Variants in SF3B3 observed in about 807,000 individuals in gnomAD.
The protein encoded by SF3B3 is splicing factor 3b subunit 3.
In SF3B3, 33 loss-of-function variants were observed where a neutral mutation model predicts 139.2. The observed-to-expected ratio is 0.24, with a 90% CI of 0.18 to 0.32. SF3B3 has a LOEUF of 0.32. Ranked by LOEUF, SF3B3 falls within the 10% of genes least tolerant of loss-of-function variation. The pLI is 1.00. For synonymous variants in SF3B3, 596 were observed against 563.6 expected (o/e 1.06, Z -0.81); for missense variants, 818 against 1,509.4 (o/e 0.54, Z 7.59).
At chr16:70,563,440 C>T (rs569821516) in intron 17 of SF3B3, among the ~76,000 whole-genome samples, 1 of 152,296 alleles carries the variant, frequency 6.6e-6, no homozygotes, top group South Asian at 2.1e-4. Context: ...TTTGCTGTCT[C>T]TTGCATTGTC....
At chr16:70,529,542 T>C (rs1267360809) in intron 3 of SF3B3, 1 of 252,450 alleles carries the variant, frequency 4.0e-6, no homozygotes, top group Non-Finnish European at 7.7e-6. Flanking sequence ...TCATGTCTCT[T>C]CTCTGATAAA....
chr16:70,554,725 T>A, intron 12 of SF3B3, 128 bp downstream of exon 12: 1 of 928,476 alleles, frequency 1.1e-6, no homozygotes, highest in Non-Finnish European at 1.6e-6. Context: ...AGGGAACATA[T>A]GATTTGGGCA....
In SF3B3 at chr16:70,525,850, ACTCGGGAGCCTGAGG is replaced by A. The variant is rs1362627642; in HGVS notation, c.-70-735_-70-721del. Among the ~76,000 whole-genome samples the A allele has an allele frequency of 1.3e-5, 2 of 150,500 alleles. 1 individual carries two copies. The highest frequency in any genetic ancestry group is 2.9e-5 in the Non-Finnish European group (2 of 67,850). On this transcript the variant is annotated intron_variant, in intron 1 of 25. Transcript: ENST00000302516. ...GTGGCGGGCGCCTGTTGTCCCAGCT[ACTCGGGAGCCTGAGG>A]CAGGAGAATGGTGTGAACCCAGGAG...
intron 1 of SF3B3, 175 bp downstream of exon 1, chr16:70,524,103 C>T (rs2050022079): frequency 7.8e-6 from 3 of 386,726 alleles, no homozygotes; most frequent in Non-Finnish European, 1.4e-5. Context: ...GCAGTTATCT[C>T]TCGCTTCCAT....
At chr16:70,545,890 T>C (rs1385684502) in intron 10 of SF3B3, among the ~76,000 whole-genome samples, 1 of 152,206 alleles carries the variant, frequency 6.6e-6, no homozygotes, top group African/African-American at 2.4e-5. Flanking sequence ...AATTTGAAAA[T>C]GTTTTGTCTC....
chr16:70,561,622 C>T lies in SF3B3; in HGVS notation c.2134-8C>T, dbSNP rs922443706. 2.0e-5 allele frequency: 32 copies of T among 1,576,838 alleles called. No homozygotes were observed. Among genetic ancestry groups the T allele is most frequent in the Admixed American group, 1.9e-4 (10 of 53,088 alleles). On this transcript the variant is annotated splice_region_variant and splice_polypyrimidine_tract_variant and intron_variant, in intron 16 of 25. Transcript: ENST00000302516. ...CTTATTGGAGCTGGGTTTTTTTTTT[C>T]CCCTCAGGTATTGGCCATGTCAAGC...
At chr16:70,538,631 A>C (rs1162381403) in intron 7 of SF3B3, among the ~76,000 whole-genome samples, 171 bp downstream of exon 7, 1 of 152,250 alleles carries the variant, frequency 6.6e-6, no homozygotes, top group African/African-American at 2.4e-5. Flanking sequence ...TAGTAATCTT[A>C]CATACAATAT....
At chr16:70,539,641 C>T (rs1476960436) in intron 8 of SF3B3, among the ~76,000 whole-genome samples, 19 of 152,064 alleles carry the variant, frequency 1.2e-4, no homozygotes, top group Non-Finnish European at 1.5e-5. Context: ...GAAGTTTGTT[C>T]TATCCTTGTA....
rs765390343 is a variant in SF3B3, at chr16:70,565,447, C to G, written c.2749C>G (p.Pro917Ala). ...VGVAKDLILN[P>A]RSVAGGFVYT... ...TGTGGCCAAGGACCTGATACTAAAC[C>G]CCCGATCTGTGGCAGGGGGCTTCGT... The change falls in exon 20 of 26, where the codon CCC becomes GCC. Residue 917 changes from proline to alanine, a missense_variant. Coordinates refer to ENST00000302516, the MANE Select transcript of SF3B3 (RefSeq NM_012426.5). 4.3e-6 allele frequency: 7 copies of G among 1,614,162 alleles called. No homozygotes were observed. In the South Asian group the frequency reaches 7.7e-5, roughly 18 times the overall value.
At chr16:70,529,833 TA>T (rs2050103566) in intron 3 of SF3B3, among the ~76,000 whole-genome samples, 2 of 151,996 alleles carry the variant, frequency 1.3e-5, no homozygotes, top group Admixed American at 6.6e-5. Flanking sequence ...TATTTATCTT[TA>T]AAAGAGATGG....
chr16:70,571,892 C>T lies in SF3B3; in HGVS notation c.*79C>T. Reference sequence around the variant, plus strand: ...CACCATCACTGCCACCTGGCTTCTGCCATGTGGCAGGAGGGTGACTGGATA... The same window carrying T: ...CACCATCACTGCCACCTGGCTTCTGTCATGTGGCAGGAGGGTGACTGGATA... On this transcript the variant is annotated 3_prime_UTR_variant, in exon 26 of 26. Transcript: ENST00000302516. 3 of 1,510,668 alleles carry T rather than the reference C, an allele frequency of 2.0e-6. No homozygotes were observed. Among genetic ancestry groups the T allele is most frequent in the Non-Finnish European group, 1.8e-6 (2 of 1,117,300 alleles). The allele number at this position is 1,510,668 out of a possible 1,614,324, so 93.6% of individuals were successfully genotyped here. A position where few individuals can be genotyped will look rare whatever the true frequency, so the allele number is the denominator to read the frequency against.
intron 15 of SF3B3, among the ~76,000 whole-genome samples, chr16:70,557,838 T>C (rs2050392373): frequency 1.3e-5 from 2 of 152,170 alleles, no homozygotes; most frequent in Non-Finnish European, 2.9e-5. Context: ...AAATACTTGA[T>C]AATGTAGTTC....
Position 70,560,570 on chromosome 16 carries a change from C to T in SF3B3, c.2112C>T (p.Val704=). 6.2e-7 allele frequency: 1 copy of T among 1,613,704 alleles called. No homozygotes were observed. The highest frequency in any genetic ancestry group is 8.5e-7 in the Non-Finnish European group (1 of 1,179,704). ...LGSRPVKLFR[V]RMQGQEAVLA... ...CCCGTCCTGTGAAGCTCTTCCGAGT[C>T]CGAATGCAAGGCCAGGAGGCAGTAA... Residue 704 remains valine, a synonymous_variant, in exon 16 of 26, where the codon GTC becomes GTT. Transcript: ENST00000302516.
intron 9 of SF3B3, among the ~76,000 whole-genome samples, chr16:70,543,415 G>GAA (rs1177572581): frequency 0.044 from 4,570 of 104,712 alleles, 269 homozygotes; most frequent in African/African-American, 0.14. Context: ...TCTCAAAAAA[G>GAA]AAAAAAAAAA....
At chr16:70,524,870 C>CG (rs1171108422) in intron 1 of SF3B3, 1 of 151,658 alleles carries the variant, frequency 6.6e-6, no homozygotes, top group Non-Finnish European at 1.5e-5. Flanking sequence ...TTAGTAGAGA[C>CG]GGGGTTTCAC....
intron 11 of SF3B3, among the ~76,000 whole-genome samples, chr16:70,548,721 A>G (rs1288233287): frequency 6.6e-6 from 1 of 152,208 alleles, no homozygotes; most frequent in East Asian, 1.9e-4. Context: ...TATTGACTTT[A>G]TATTCATAAA....
In SF3B3 at chr16:70,571,269, G is replaced by T. The variant is rs1039907226; in HGVS notation, c.3513+70G>T. 4.3e-6 allele frequency: 5 copies of T among 1,164,330 alleles called. No individual in the cohort carries two copies. The African/African-American group carries it at 7.6e-5, about 18-fold the overall frequency. The allele number at this position is 1,164,330 out of a possible 1,614,324, so 72.1% of individuals were successfully genotyped here. A position where few individuals can be genotyped will look rare whatever the true frequency, so the allele number is the denominator to read the frequency against. On this transcript the variant is annotated intron_variant, in intron 25 of 25. Coordinates refer to ENST00000302516, the MANE Select transcript of SF3B3 (RefSeq NM_012426.5). ...AGCAGCACAGGGAGTGGATTGATGG[G>T]AATAGTACCAGGGAGGGTGCTCCCC...
At chr16:70,563,652 T>G (rs1471561617) in intron 17 of SF3B3, 3 of 499,816 alleles carry the variant, frequency 6.0e-6, no homozygotes, top group African/African-American at 1.9e-5. Flanking sequence ...GAACTAGAAC[T>G]GCTGTGAATT....
chr16:70,565,671 A>G (rs1451729137), intron 20 of SF3B3, 147 bp downstream of exon 20: 7 of 696,582 alleles, frequency 1.0e-5, no homozygotes, highest in South Asian at 3.8e-5. Context: ...GGGGCCTTCT[A>G]GCTGCAGTGA....
Sources: allele counts gnomAD v4.1 joint callset (sites outside exome capture counted in the v4.1 genomes callset), GRCh38; gene constraint gnomAD v4.1.1; transcripts MANE v1.5; gene names NCBI Gene and HGNC (gene_info 2026-07-23, HGNC 2026-07-21).